SHANK2: variants seen among roughly 807,000 people sequenced by gnomAD.
SHANK2 encodes SH3 and multiple ankyrin repeat domains protein 2.
In SHANK2, 43 loss-of-function variants were observed where a neutral mutation model predicts 133.7. The ratio of observed to expected loss-of-function variants is 0.32; its 90% confidence interval spans 0.25 to 0.41. The LOEUF is 0.41. Among genes scored for constraint, SHANK2 ranks in the 10% least tolerant of loss-of-function variants. The probability of loss-of-function intolerance (pLI) is 1.00; values close to 1 mark genes in which losing one functional copy is unlikely to be tolerated. For missense variants in SHANK2, 1,994 were observed against 2,235.8 expected (o/e 0.89, Z 2.18); for synonymous variants, 1,017 against 952.8 (o/e 1.07, Z -1.24).
Position 70,469,610 on chromosome 11 carries a change from CTA to C in SHANK2, c.*3257_*3258del, listed in dbSNP as rs1211493042. 1 of 150,652 alleles carries C rather than the reference CTA, an allele frequency of 6.6e-6. No homozygotes were observed. Among genetic ancestry groups the C allele is most frequent in the African/African-American group, 2.5e-5 (1 of 40,772 alleles). The allele number at this position is 150,652 out of a possible 1,614,324, so 9.3% of individuals were successfully genotyped here. On this transcript the variant is annotated 3_prime_UTR_variant, in exon 26 of 26. Coordinates refer to ENST00000601538, the MANE Select transcript of SHANK2 (RefSeq NM_012309.5). Reference sequence around the variant, plus strand: ...ATGCGAACACGTGTTGTTACACAAACTATAGTGTGAAACATATTAGTATTTAA... The same window carrying C: ...ATGCGAACACGTGTTGTTACACAAACTAGTGTGAAACATATTAGTATTTAA...
intron 11 of SHANK2, among the ~76,000 whole-genome samples, chr11:70,893,774 T>G (rs1555075169): frequency 6.6e-6 from 1 of 152,202 alleles, no homozygotes; most frequent in African/African-American, 2.4e-5. Context: ...CAACAGACAC[T>G]GACTCCCTGC....
At chr11:71,181,890 T>C (rs1163294334) in intron 2 of SHANK2, among the ~76,000 whole-genome samples, 1 of 151,732 alleles carries the variant, frequency 6.6e-6, no homozygotes, top group Non-Finnish European at 1.5e-5. Flanking sequence ...GAAGAAGAAT[T>C]TGTATTTTAG....
At chr11:71,245,918 G>C (rs1284422654) in intron 1 of SHANK2, among the ~76,000 whole-genome samples, 1 of 152,220 alleles carries the variant, frequency 6.6e-6, no homozygotes, top group Non-Finnish European at 1.5e-5. Context: ...AATGCCTCTA[G>C]TTTGCAGGCC....
In SHANK2 at chr11:70,729,585, T is replaced by C. The variant is rs1591793240; in HGVS notation, c.1778-30822A>G. Among the ~76,000 whole-genome samples the C allele has an allele frequency of 2.7e-5, 4 of 150,546 alleles. No individual in the cohort carries two copies. In the South Asian group the frequency reaches 6.3e-4, roughly 24 times the overall value. ...TGTTGCCCAGGCTGGAGTGCAGTGGTGCGATCTCGGCTCACTGCAAGCTCC... is the reference window on the plus strand; with the variant it reads ...TGTTGCCCAGGCTGGAGTGCAGTGGCGCGATCTCGGCTCACTGCAAGCTCC... On this transcript the variant is annotated intron_variant, in intron 14 of 25. Coordinates refer to ENST00000601538, the MANE Select transcript of SHANK2 (RefSeq NM_012309.5).
chr11:70,473,408 T>C lies in SHANK2; in HGVS notation c.5011A>G (p.Thr1671Ala), dbSNP rs1555149320. ...GTGAAGGTGACCGTCGTGCTCCGTG[T>C]ACCTGAGATGGTGCTCATGATCTCC... ...SPEIMSTISG[T>A]RSTTVTFTVR... Residue 1671 changes from threonine to alanine, a missense_variant, in exon 26 of 26, where the codon ACA becomes GCA. Physicochemically the swap from Thr to Ala is moderately conservative, Grantham distance 58 (BLOSUM62 0). Coordinates refer to ENST00000601538, the MANE Select transcript of SHANK2 (RefSeq NM_012309.5). The surrounding 1 kb of genome is among the most constrained non-coding windows in gnomAD (Gnocchi z 5.9). 3 of 1,607,060 alleles carry C rather than the reference T, an allele frequency of 1.9e-6. No homozygotes were observed. The highest frequency in any genetic ancestry group is 2.5e-6 in the Non-Finnish European group (3 of 1,179,966).
Position 70,770,915 on chromosome 11 carries a change from C to CTTTTTTT in SHANK2, c.1777+27521_1777+27527dup, listed in dbSNP as rs71467419. 1.4e-3 allele frequency among the ~76,000 whole-genome samples: 129 copies of CTTTTTTT among 92,856 alleles called. 7 individuals are homozygous for CTTTTTTT. Among genetic ancestry groups the CTTTTTTT allele is most frequent in the Non-Finnish European group, 2.1e-3 (102 of 49,642 alleles). 60.9% of individuals were successfully genotyped at this position (92,856 alleles called of 152,430 possible). On this transcript the variant is annotated intron_variant, in intron 14 of 25. Coordinates refer to ENST00000601538, the MANE Select transcript of SHANK2 (RefSeq NM_012309.5). ...TCTCTCCTTCCCTCCCTCTTACTTC[C>CTTTTTTT]TTTTTTTTTTTTTTTTTTTTTTTTT...
chr11:71,234,912 A>C (rs782498887), intron 1 of SHANK2, among the ~76,000 whole-genome samples: 2 of 152,198 alleles, frequency 1.3e-5, no homozygotes, highest in Non-Finnish European at 2.9e-5. Flanking sequence ...ATTTTACAAC[A>C]GCCAAAACCC....
At chr11:70,717,152 G>A (rs1945951377) in intron 14 of SHANK2, among the ~76,000 whole-genome samples, 1 of 152,220 alleles carries the variant, frequency 6.6e-6, no homozygotes. Context: ...GCACTCGGGA[G>A]CAGGCACGCT....
At chr11:70,662,230 A>T (rs944056213) in intron 15 of SHANK2, 2 of 198,598 alleles carry the variant, frequency 1.0e-5, no homozygotes, top group Admixed American at 1.1e-4. Flanking sequence ...TCCCCGCACG[A>T]GCCGGCAGCA....
chr11:70,661,551 AC>A (rs1555013285), intron 16 of SHANK2, 44 bp downstream of exon 16: 5 of 1,243,404 alleles, frequency 4.0e-6, no homozygotes, highest in Non-Finnish European at 5.8e-6. Context: ...ACACACACAC[AC>A]ACAAACATGG....
At chr11:70,864,050 T>C (rs1337777013) in intron 11 of SHANK2, 6 of 344,486 alleles carry the variant, frequency 1.7e-5, no homozygotes, top group Non-Finnish European at 3.4e-5. Flanking sequence ...CTCTACGACC[T>C]GGGCACCTTG....
At chr11:70,926,101 C>T (rs1284921544) in intron 10 of SHANK2, among the ~76,000 whole-genome samples, 1 of 151,948 alleles carries the variant, frequency 6.6e-6, no homozygotes, top group Non-Finnish European at 1.5e-5. Context: ...GGTGAAGCCC[C>T]CTCTCTACCA....
At chr11:70,913,896 C>A (rs1483525339) in intron 10 of SHANK2, among the ~76,000 whole-genome samples, 1 of 152,222 alleles carries the variant, frequency 6.6e-6, no homozygotes, top group African/African-American at 2.4e-5. Context: ...TTTAACCACA[C>A]AATCATCTCA....
At chr11:70,584,365 C>T (rs1051205213) in intron 17 of SHANK2, among the ~76,000 whole-genome samples, 1 of 152,086 alleles carries the variant, frequency 6.6e-6, no homozygotes, top group African/African-American at 2.4e-5. Context: ...TTTTGCTGAC[C>T]CTGGAGGGAT....
chr11:70,922,379 T>G (rs1950364614), intron 10 of SHANK2, among the ~76,000 whole-genome samples: 1 of 151,980 alleles, frequency 6.6e-6, no homozygotes, highest in African/African-American at 2.4e-5. Flanking sequence ...TGACAAAACA[T>G]GTAAAACCAC....
chr11:70,803,597 G>C (rs1948100209), intron 13 of SHANK2, among the ~76,000 whole-genome samples: 1 of 152,026 alleles, frequency 6.6e-6, no homozygotes, highest in African/African-American at 2.4e-5. Flanking sequence ...ATGTAGGGAT[G>C]GATGGCCAGG....
chr11:71,067,802 C>A (rs1373782736), intron 9 of SHANK2, among the ~76,000 whole-genome samples: 1 of 151,770 alleles, frequency 6.6e-6, no homozygotes, highest in African/African-American at 2.4e-5. Flanking sequence ...ACCACTACCA[C>A]TATGACCATG....
intron 6 of SHANK2, among the ~76,000 whole-genome samples, chr11:71,098,824 G>A (rs1172040948): frequency 1.3e-5 from 2 of 152,006 alleles, no homozygotes; most frequent in East Asian, 1.9e-4. Context: ...TGCGTAGCCC[G>A]CACCACCCCC....
intron 21 of SHANK2, among the ~76,000 whole-genome samples, chr11:70,498,383 G>T (rs2059003055): frequency 6.6e-6 from 1 of 152,240 alleles, no homozygotes; most frequent in Non-Finnish European, 1.5e-5. Flanking sequence ...GGAAGGGTGT[G>T]CTTGGACCCT....
Sources: gnomAD v4.1 joint callset for allele counts (sites outside exome capture counted in the v4.1 genomes callset) on GRCh38, gnomAD v4.1.1 for gene constraint, Gnocchi (gnomAD v3.1) non-coding constraint, MANE v1.5 for transcripts, NCBI Gene and HGNC (gene_info 2026-07-23, HGNC 2026-07-21) for gene names.